Variants in MLLT1 observed in about 807,000 individuals in gnomAD.
The protein encoded by MLLT1 is protein ENL.
In MLLT1, 11 loss-of-function variants were observed where a neutral mutation model predicts 55.1. That is an observed-to-expected ratio of 0.20 (90% CI 0.13 to 0.33). The LOEUF is 0.33. MLLT1 is among the 10% of genes least tolerant of loss of function. The pLI is 1.00. For synonymous variants in MLLT1, 323 were observed against 320.1 expected (o/e 1.01, Z -0.10); for missense variants, 536 against 760.6 (o/e 0.70, Z 3.47).
At chr19:6,274,920 A>T (rs557021130) in intron 1 of MLLT1, among the ~76,000 whole-genome samples, 1 of 152,334 alleles carries the variant, frequency 6.6e-6, no homozygotes, top group African/African-American at 2.4e-5. Context: ...ACTTGGAACC[A>T]AAGGGCCAAA....
chr19:6,218,212 C>T (rs1430709132), intron 6 of MLLT1, among the ~76,000 whole-genome samples, 171 bp from the exon 7 acceptor site: 1 of 152,222 alleles, frequency 6.6e-6, no homozygotes, highest in African/African-American at 2.4e-5. Flanking sequence ...AAGGAGCCAG[C>T]GGCCAGGCCA....
chr19:6,238,890 G>A (rs755144485), intron 3 of MLLT1, among the ~76,000 whole-genome samples: 8 of 152,162 alleles, frequency 5.3e-5, no homozygotes, highest in Non-Finnish European at 1.0e-4. Context: ...TGCTTCAGGC[G>A]GCTACCTTGG....
chr19:6,261,342 C>T (rs1158957233), intron 3 of MLLT1, among the ~76,000 whole-genome samples: 4 of 152,264 alleles, frequency 2.6e-5, no homozygotes, highest in Non-Finnish European at 5.9e-5. Context: ...CGGCCGCACG[C>T]CAAATGCCTC....
At chr19:6,236,560 T>G (rs1393938921) in intron 3 of MLLT1, among the ~76,000 whole-genome samples, 1 of 151,986 alleles carries the variant, frequency 6.6e-6, no homozygotes, top group African/African-American at 2.4e-5. Flanking sequence ...GCCGGCCAGG[T>G]AGAGGTCACG....
At chr19:6,215,458 C>A (rs977979489) in intron 8 of MLLT1, among the ~76,000 whole-genome samples, 2 of 152,164 alleles carry the variant, frequency 1.3e-5, no homozygotes, top group African/African-American at 4.8e-5. Flanking sequence ...GCCCGGACCT[C>A]CCACCAGCGG....
intron 3 of MLLT1, among the ~76,000 whole-genome samples, chr19:6,247,875 GTT>G (rs869235059): frequency 7.6e-6 from 1 of 131,156 alleles, no homozygotes; most frequent in Admixed American, 7.2e-5. Flanking sequence ...GCATTTTGGT[GTT>G]TTGTTTGTTT....
chr19:6,266,973 C>A (rs1049685737), intron 2 of MLLT1, among the ~76,000 whole-genome samples: 1 of 152,140 alleles, frequency 6.6e-6, no homozygotes, highest in Admixed American at 6.5e-5. Context: ...ACTTTACAAA[C>A]AAGCCAGAAA....
chr19:6,261,574 G>A (rs1453061628), intron 3 of MLLT1, among the ~76,000 whole-genome samples: 2 of 151,488 alleles, frequency 1.3e-5, no homozygotes, highest in African/African-American at 2.4e-5. Context: ...AAATGTCACC[G>A]CTGGCCCTGT....
intron 1 of MLLT1, among the ~76,000 whole-genome samples, chr19:6,275,032 C>T (rs1035700148): frequency 2.6e-5 from 4 of 152,258 alleles, no homozygotes; most frequent in Non-Finnish European, 4.4e-5. Context: ...CAGCGGCCGC[C>T]GCCTGGCAAA....
chr19:6,266,277 A>T (rs2091348644), intron 2 of MLLT1, among the ~76,000 whole-genome samples: 2 of 63,710 alleles, frequency 3.1e-5, no homozygotes, highest in Non-Finnish European at 5.8e-5. Flanking sequence ...TTCTGTCTCC[A>T]AAAAAAAAAA....
intron 3 of MLLT1, among the ~76,000 whole-genome samples, chr19:6,233,711 G>A (rs2091033808): frequency 6.6e-6 from 1 of 152,216 alleles, no homozygotes; most frequent in Non-Finnish European, 1.5e-5. Flanking sequence ...GGCGCCTCTT[G>A]CCTTCTTGTC....
rs2090874677 is a variant in MLLT1 at position 6,219,462 on chromosome 19, G to A, written c.1111-1421C>T. On this transcript the variant is annotated intron_variant, in intron 6 of 11. Transcript: ENST00000252674. The surrounding 1 kb of genome is among the most constrained non-coding windows in gnomAD (Gnocchi z 4.5). The stretch of plus-strand genomic sequence containing the variant: ...CACAGCCTGGACTTCTGTTCTTGGG[G>A]GCCAGGGGTGAGTAAGAGGTGACCG... Among the ~76,000 whole-genome samples, 1 of 152,208 alleles carries A rather than the reference G, an allele frequency of 6.6e-6. No homozygotes were observed. Among genetic ancestry groups the A allele is most frequent in the South Asian group, 2.1e-4 (1 of 4,832 alleles).
Position 6,212,818 on chromosome 19 carries a change from G to A in MLLT1, c.*224C>T. On this transcript the variant is annotated 3_prime_UTR_variant, in exon 12 of 12. Coordinates refer to ENST00000252674, the MANE Select transcript of MLLT1 (RefSeq NM_005934.4). ...CTCTGAGGGGAGCCCAGAGAGCCCG[G>A]GGGGCGGCTCCCGTGTGGCCCAGCC... 1.1e-6 allele frequency: 1 copy of A among 902,146 alleles called. No homozygotes were observed. The highest frequency in any genetic ancestry group is 1.5e-6 in the Non-Finnish European group (1 of 648,816). 55.9% of individuals were successfully genotyped at this position (902,146 alleles called of 1,614,324 possible). A position where few individuals can be genotyped will look rare whatever the true frequency, so the allele number is the denominator to read the frequency against.
At chr19:6,214,324 C>G (rs141454379) in intron 8 of MLLT1, among the ~76,000 whole-genome samples, 9 of 152,340 alleles carry the variant, frequency 5.9e-5, no homozygotes, top group African/African-American at 2.2e-4. Context: ...AGCCAATGGG[C>G]CTTGCTGGGC....
chr19:6,232,511 G>A (rs1238553868), intron 3 of MLLT1, among the ~76,000 whole-genome samples: 6 of 152,204 alleles, frequency 3.9e-5, no homozygotes, highest in Non-Finnish European at 5.9e-5. Context: ...TATCAATCAC[G>A]ACACTGCATT....
chr19:6,265,049 C>CAAAAACAAAAAAAAAAAAA (rs1568296295), intron 2 of MLLT1, among the ~76,000 whole-genome samples: 2 of 23,302 alleles, frequency 8.6e-5, no homozygotes, highest in Non-Finnish European at 2.3e-4. Flanking sequence ...AAAAAAAAAA[C>CAAAAACAAAAAAAAAAAAA]AAAAAAACAA....
rs1568295362 is a variant in MLLT1 at position 6,262,776 on chromosome 19, G to A, written c.194-466C>T. ...GCTGCACCACGGACACATGCACTGG[G>A]AGACAGGGGAGCCCCAGGTGGCTGG... On this transcript the variant is annotated intron_variant, in intron 2 of 11. Transcript: ENST00000252674. The surrounding 1 kb of genome is among the most constrained non-coding windows in gnomAD (Gnocchi z 4.4). Among the ~76,000 whole-genome samples, 2 of 152,108 alleles carry A rather than the reference G, an allele frequency of 1.3e-5. No homozygotes were observed. Among genetic ancestry groups the A allele is most frequent in the African/African-American group, 2.4e-5 (1 of 41,416 alleles).
intron 3 of MLLT1, among the ~76,000 whole-genome samples, chr19:6,244,615 T>C (rs1349661978): frequency 2.0e-5 from 3 of 152,166 alleles, no homozygotes; most frequent in East Asian, 1.9e-4. Flanking sequence ...GACAAAAATA[T>C]ACTATTAAGA....
Position 6,212,383 on chromosome 19 carries a change from C to G in MLLT1, c.*659G>C. 1 of 1,066,366 alleles carries G rather than the reference C, an allele frequency of 9.4e-7. No homozygotes were observed. The highest frequency in any genetic ancestry group is 1.1e-6 in the Non-Finnish European group (1 of 879,836). The allele number at this position is 1,066,366 out of a possible 1,614,324, so 66.1% of individuals were successfully genotyped here. A position where few individuals can be genotyped will look rare whatever the true frequency, so the allele number is the denominator to read the frequency against. Reference sequence around the variant, plus strand: ...CAGCCCCACACCACCGCAGAGACATCTTAACCTACAAGCCCCACCGTACGC... The same window carrying G: ...CAGCCCCACACCACCGCAGAGACATGTTAACCTACAAGCCCCACCGTACGC... On this transcript the variant is annotated 3_prime_UTR_variant, in exon 12 of 12. Coordinates refer to ENST00000252674, the MANE Select transcript of MLLT1 (RefSeq NM_005934.4).
Sources: allele counts gnomAD v4.1 joint callset (sites outside exome capture counted in the v4.1 genomes callset), GRCh38; gene constraint gnomAD v4.1.1; non-coding constraint Gnocchi (gnomAD v3.1); transcripts MANE v1.5; gene names NCBI Gene and HGNC (gene_info 2026-07-23, HGNC 2026-07-21).